Variants in TAF3 observed in about 807,000 individuals in gnomAD.
TAF3 encodes TATA-box binding protein associated factor 3.
TAF3 carries 7 observed loss-of-function variants against 80.6 expected under a neutral mutation model. That is an observed-to-expected ratio of 0.09 (90% CI 0.05 to 0.16). TAF3 has a LOEUF of 0.16. Ranked by LOEUF, TAF3 falls within the 10% of genes least tolerant of loss-of-function variation. The pLI, the probability that TAF3 is intolerant of heterozygous loss-of-function variation, is 1.00. For synonymous variants in TAF3, 444 were observed against 446.1 expected, an observed-to-expected ratio of 1.00 and a Z score of 0.06; for missense variants, 921 against 1,140.2, an observed-to-expected ratio of 0.81 and a Z score of 2.77.
At chr10:7,870,075 T>C (rs1379584278) in intron 2 of TAF3, among the ~76,000 whole-genome samples, 1 of 152,208 alleles carries the variant, frequency 6.6e-6, no homozygotes, top group Non-Finnish European at 1.5e-5. Context: ...TGTATTAGTA[T>C]ACAAATAGTA....
At position 7,964,285 on chromosome 10, in the gene TAF3, A is replaced by C. The variant is rs369898983; in HGVS notation, c.775A>C (p.Thr259Pro). 2 of 1,614,098 alleles carry C rather than the reference A, an allele frequency of 1.2e-6. No individual in the cohort carries two copies. Among genetic ancestry groups the C allele is most frequent in the Non-Finnish European group, 1.7e-6 (2 of 1,180,042 alleles). Residue 259 changes from threonine to proline, a missense_variant, in exon 3 of 7, where the codon ACT (threonine) becomes CCT (proline). Physicochemically the swap from Thr to Pro is conservative, Grantham distance 38. This residue lies in a region of TAF3 where 743 missense variants were observed against 821.0 expected (regional missense o/e 0.90). Transcript: ENST00000344293. This position sits in a 1 kb window ranked among gnomAD's most constrained non-coding sequence, Gnocchi z 4.1. ...LAPVAKSQMP[T>P]AKPLETKSFT... Reference sequence around the variant, plus strand: ...TCCAGTTGCAAAATCACAAATGCCAACTGCAAAACCATTAGAAACAAAGTC... The same window carrying C: ...TCCAGTTGCAAAATCACAAATGCCACCTGCAAAACCATTAGAAACAAAGTC...
intron 4 of TAF3, among the ~76,000 whole-genome samples, chr10:7,997,799 T>C (rs575867389): frequency 1.3e-5 from 2 of 152,222 alleles, no homozygotes; most frequent in African/African-American, 4.8e-5. Context: ...AAAGGGATAC[T>C]TCAGAGAGAA....
At chr10:7,995,122 G>T (rs1368670368) in intron 4 of TAF3, among the ~76,000 whole-genome samples, 1 of 151,578 alleles carries the variant, frequency 6.6e-6, no homozygotes, top group Non-Finnish European at 1.5e-5. Context: ...ATTAAATGAA[G>T]TTAAAGACTA....
At chr10:7,939,577 TACACACACACACACACACACAC>T (rs71385681) in intron 2 of TAF3, among the ~76,000 whole-genome samples, 9 of 139,204 alleles carry the variant, frequency 6.5e-5, no homozygotes, top group Admixed American at 5.0e-4. Context: ...AGAAGAAAAC[TACACACACACACACACACACAC>T]ACACACACAC....
intron 2 of TAF3, among the ~76,000 whole-genome samples, chr10:7,885,263 C>T (rs1283608536): frequency 6.6e-6 from 1 of 151,718 alleles, no homozygotes; most frequent in Non-Finnish European, 1.5e-5. Context: ...CACACACACA[C>T]ACACACACAC....
intron 4 of TAF3, among the ~76,000 whole-genome samples, chr10:7,995,479 T>G (rs1316968323): frequency 6.6e-6 from 1 of 152,214 alleles, no homozygotes; most frequent in Non-Finnish European, 1.5e-5. Context: ...CTAGTGTATC[T>G]CATTGCAAAT....
intron 2 of TAF3, among the ~76,000 whole-genome samples, chr10:7,884,858 G>A (rs1049034835): frequency 1.3e-5 from 2 of 152,036 alleles, no homozygotes; most frequent in Non-Finnish European, 2.9e-5. Context: ...TGTATTAAAA[G>A]CATGATTTCA....
chr10:7,849,192 T>C (rs1837002182), intron 2 of TAF3, among the ~76,000 whole-genome samples: 2 of 152,168 alleles, frequency 1.3e-5, no homozygotes, highest in African/African-American at 4.8e-5. Context: ...TTTTTTCTTA[T>C]AGATGAGGGA....
At chr10:7,844,954 C>A (rs1354309926) in intron 2 of TAF3, among the ~76,000 whole-genome samples, 1 of 151,992 alleles carries the variant, frequency 6.6e-6, no homozygotes, top group Admixed American at 6.6e-5. Context: ...AATATCTTTG[C>A]ACATGTTTTT....
intron 2 of TAF3, among the ~76,000 whole-genome samples, chr10:7,923,255 T>A (rs1221343669): frequency 6.6e-6 from 1 of 151,980 alleles, no homozygotes; most frequent in Non-Finnish European, 1.5e-5. Context: ...AAATATTTTT[T>A]AAAAAATAGA....
At chr10:7,926,436 A>G (rs1399651666) in intron 2 of TAF3, among the ~76,000 whole-genome samples, 1 of 152,202 alleles carries the variant, frequency 6.6e-6, no homozygotes, top group African/African-American at 2.4e-5. Context: ...TCTGATTAGG[A>G]AAAAGTATTA....
chr10:7,845,168 C>G (rs536042686), intron 2 of TAF3, among the ~76,000 whole-genome samples: 1 of 151,904 alleles, frequency 6.6e-6, no homozygotes, highest in African/African-American at 2.4e-5. Context: ...TGTTTTTTTA[C>G]TAGCTTAGAT....
At chr10:7,963,679 G>C in intron 2 of TAF3, among the ~76,000 whole-genome samples, 1 of 152,072 alleles carries the variant, frequency 6.6e-6, no homozygotes, top group East Asian at 1.9e-4. Context: ...GGCTGGGGGA[G>C]GGATAGCGTT....
intron 2 of TAF3, among the ~76,000 whole-genome samples, chr10:7,851,376 G>A (rs1301031036): frequency 2.6e-5 from 4 of 152,168 alleles, no homozygotes; most frequent in Non-Finnish European, 5.9e-5. Flanking sequence ...TGGAACAGGG[G>A]GTGGTTGGGG....
intron 2 of TAF3, among the ~76,000 whole-genome samples, chr10:7,871,539 G>T (rs1384007942): frequency 6.9e-6 from 1 of 144,976 alleles, no homozygotes; most frequent in African/African-American, 2.5e-5. Flanking sequence ...CGCCTCCCAG[G>T]TTCAAGTGAT....
Position 7,951,538 on chromosome 10 carries a change from C to T in TAF3, c.410-12382C>T, listed in dbSNP as rs76233421. Among the ~76,000 whole-genome samples the T allele has an allele frequency of 8.4e-3, 1,275 of 152,324 alleles. 14 individuals carry two copies. Among genetic ancestry groups the T allele is most frequent in the African/African-American group, 0.028 (1,145 of 41,568 alleles). Reference sequence around the variant, plus strand: ...AAGTCCTTAGTGTGCAGCCGCTTTCCATGCCTCTGCTTCTGTCACATTTGC... The same window carrying T: ...AAGTCCTTAGTGTGCAGCCGCTTTCTATGCCTCTGCTTCTGTCACATTTGC... On this transcript the variant is annotated intron_variant, in intron 2 of 6. Coordinates refer to ENST00000344293, the MANE Select transcript of TAF3 (RefSeq NM_031923.4).
intron 1 of TAF3, among the ~76,000 whole-genome samples, chr10:7,821,661 T>A (rs1212144638): frequency 6.6e-6 from 1 of 152,230 alleles, no homozygotes; most frequent in Non-Finnish European, 1.5e-5. Context: ...GGTGTCACAT[T>A]ATATGTTAAA....
intron 2 of TAF3, among the ~76,000 whole-genome samples, chr10:7,886,134 G>C (rs1837407184): frequency 6.6e-6 from 1 of 152,040 alleles, no homozygotes; most frequent in Non-Finnish European, 1.5e-5. Context: ...TCACTATGTT[G>C]CCTGGGCTGG....
At chr10:8,012,041 G>A (rs889286918) in intron 5 of TAF3, among the ~76,000 whole-genome samples, 2 of 152,082 alleles carry the variant, frequency 1.3e-5, no homozygotes, top group Non-Finnish European at 2.9e-5. Flanking sequence ...GCTGGGCAGG[G>A]TGACATGTGC....
Sources: allele counts gnomAD v4.1 joint callset (sites outside exome capture counted in the v4.1 genomes callset), GRCh38; gene constraint gnomAD v4.1.1; regional missense constraint gnomAD v4.1.1; non-coding constraint Gnocchi (gnomAD v3.1); transcripts MANE v1.5; gene names NCBI Gene and HGNC (gene_info 2026-07-23, HGNC 2026-07-21).